The following LINGO2 variants were observed in gnomAD, a reference collection of about 807,000 sequenced individuals.
The protein encoded by LINGO2 is leucine rich repeat and Ig domain containing 2, also known as leucine-rich repeat and immunoglobulin-like domain-containing nogo receptor-interacting protein 2.
In LINGO2, 14 loss-of-function variants were observed where a neutral mutation model predicts 30.6. The ratio of observed to expected loss-of-function variants is 0.46; its 90% CI spans 0.30 to 0.72. LINGO2 has a LOEUF of 0.72. LINGO2 is among the 30% of genes least tolerant of loss of function. The pLI, the probability that LINGO2 is intolerant of heterozygous loss-of-function variation, is 0.07. For synonymous variants in LINGO2, 317 were observed against 288.5 expected, an observed-to-expected ratio of 1.10 and a Z score of -1.00; for missense variants, 729 against 751.7, an observed-to-expected ratio of 0.97 and a Z score of 0.35.
the LINGO2 span, among the ~76,000 whole-genome samples, chr9:28,802,924 T>C: frequency 6.6e-6 from 1 of 152,010 alleles, no homozygotes. Flanking sequence ...TGTCCTCATG[T>C]CCCGGGAGTC....
chr9:28,315,009 C>CA lies in LINGO2; in HGVS notation c.-245-19644dup, dbSNP rs10715487. ...TGGGTGACAGAGCAAGACTACGTCTCAAAAAAAAAAAAAAAAGAAACAAAA... is the reference window on the plus strand; with the variant it reads ...TGGGTGACAGAGCAAGACTACGTCTCAAAAAAAAAAAAAAAAAGAAACAAAA... On this transcript the variant is annotated intron_variant, in intron 3 of 5. Transcript: ENST00000379992. Among the ~76,000 whole-genome samples the CA allele has an allele frequency of 9.1e-3, 1,091 of 120,518 alleles. 15 individuals are homozygous for CA. The highest frequency in any genetic ancestry group is 0.016 in the African/African-American group (514 of 32,082). 79.1% of individuals were successfully genotyped at this position (120,518 alleles called of 152,430 possible).
the LINGO2 span, among the ~76,000 whole-genome samples, chr9:28,913,066 G>A: frequency 2.6e-5 from 4 of 152,122 alleles, no homozygotes; most frequent in African/African-American, 9.6e-5. Context: ...CCTCTGTACA[G>A]TTTACACTCA....
chr9:28,461,876 A>T (rs1395178295), intron 2 of LINGO2, among the ~76,000 whole-genome samples: 1 of 152,136 alleles, frequency 6.6e-6, no homozygotes, highest in Non-Finnish European at 1.5e-5. Flanking sequence ...TATTTATCTC[A>T]TTTAAATTTT....
Position 27,984,558 on chromosome 9 carries a change from A to G in LINGO2, c.-36+27797T>C, listed in dbSNP as rs117955647. ...TGGGCTCTGGATTGTGGTCTGAGGG[A>G]ATATAGAAAGAGCATTGCTCTTTTA... is the stretch of plus-strand genomic sequence containing the variant. On this transcript the variant is annotated intron_variant, in intron 5 of 5. Coordinates refer to ENST00000379992, the Ensembl canonical transcript of LINGO2. Among the ~76,000 whole-genome samples, 1,058 of 151,970 alleles carry G rather than the reference A, an allele frequency of 7.0e-3. 16 individuals carry two copies. The highest frequency in any genetic ancestry group is 0.041 in the Admixed American group (624 of 15,224).
At chr9:28,421,630 A>G (rs1046580562) in intron 2 of LINGO2, among the ~76,000 whole-genome samples, 1 of 152,126 alleles carries the variant, frequency 6.6e-6, no homozygotes, top group Non-Finnish European at 1.5e-5. Context: ...TCAGCCCTGG[A>G]GAACCCACAT....
the LINGO2 span, among the ~76,000 whole-genome samples, chr9:28,757,005 G>A: frequency 6.6e-6 from 1 of 151,886 alleles, no homozygotes; most frequent in Admixed American, 6.6e-5. Context: ...TAATTTACCA[G>A]TTTTAGTTAT....
intron 4 of LINGO2, among the ~76,000 whole-genome samples, chr9:28,134,853 T>C (rs1452954667): frequency 2.0e-5 from 3 of 152,202 alleles, no homozygotes; most frequent in Non-Finnish European, 4.4e-5. Flanking sequence ...GAACGTGGCA[T>C]GCAGGGCTGG....
chr9:29,080,897 T>C, the LINGO2 span, among the ~76,000 whole-genome samples: 25 of 152,106 alleles, frequency 1.6e-4, no homozygotes, highest in African/African-American at 6.0e-4. Flanking sequence ...ATAAGTGAGA[T>C]GTGGTTCTGA....
chr9:28,738,765 T>C, the LINGO2 span, among the ~76,000 whole-genome samples: 1 of 152,080 alleles, frequency 6.6e-6, no homozygotes, highest in Non-Finnish European at 1.5e-5. Context: ...TTTAATATGA[T>C]GTCCCACATC....
At chr9:28,486,681 A>G (rs189776721) in intron 1 of LINGO2, among the ~76,000 whole-genome samples, 1 of 150,294 alleles carries the variant, frequency 6.7e-6, no homozygotes, top group Non-Finnish European at 1.5e-5. Context: ...CTCTCGTTCT[A>G]TGAGGCCTCC....
the LINGO2 span, among the ~76,000 whole-genome samples, chr9:28,924,547 TAAACAGAC>T: frequency 5.3e-5 from 8 of 151,930 alleles, no homozygotes; most frequent in East Asian, 1.5e-3. Flanking sequence ...AAAAATCAAA[TAAACAGAC>T]AAACAAACAA....
chr9:29,033,613 T>C, the LINGO2 span, among the ~76,000 whole-genome samples: 2 of 151,778 alleles, frequency 1.3e-5, no homozygotes, highest in African/African-American at 4.8e-5. Context: ...AGTCTTCAAA[T>C]CCATTCCATG....
intron 4 of LINGO2, among the ~76,000 whole-genome samples, chr9:28,231,389 C>T (rs997626938): frequency 6.6e-6 from 1 of 151,708 alleles, no homozygotes; most frequent in Non-Finnish European, 1.5e-5. Context: ...TTTTTTGGAG[C>T]AGTGTGGGAA....
the LINGO2 span, among the ~76,000 whole-genome samples, chr9:28,927,166 A>G: frequency 2.6e-5 from 4 of 152,250 alleles, no homozygotes; most frequent in Non-Finnish European, 4.4e-5. Context: ...CCTGGTAAAT[A>G]GTGCCCCAAA....
chr9:28,419,062 C>G (rs1823083756), intron 2 of LINGO2, among the ~76,000 whole-genome samples: 1 of 151,970 alleles, frequency 6.6e-6, no homozygotes. Flanking sequence ...ATAATTAAAG[C>G]ATATTATTAT....
intron 4 of LINGO2, among the ~76,000 whole-genome samples, chr9:28,203,818 T>C (rs887393370): frequency 6.6e-6 from 1 of 152,204 alleles, no homozygotes; most frequent in African/African-American, 2.4e-5. Flanking sequence ...GGTGGAATAC[T>C]ATTTCATAGA....
chr9:28,537,618 T>A (rs1042623327), intron 1 of LINGO2, among the ~76,000 whole-genome samples: 1 of 151,912 alleles, frequency 6.6e-6, no homozygotes, highest in Admixed American at 6.6e-5. Context: ...TGAAGAAGAA[T>A]TTAGTAAACT....
At chr9:28,916,930 C>A in the LINGO2 span, among the ~76,000 whole-genome samples, 1 of 152,182 alleles carries the variant, frequency 6.6e-6, no homozygotes, top group Admixed American at 6.5e-5. Flanking sequence ...AACACATCCA[C>A]CAATACTGGG....
chr9:28,136,721 G>A (rs1827527888), intron 4 of LINGO2, among the ~76,000 whole-genome samples: 1 of 152,128 alleles, frequency 6.6e-6, no homozygotes, highest in South Asian at 2.1e-4. Flanking sequence ...ATAATGTAGT[G>A]TGGTAAATTT....
Sources: gnomAD v4.1 joint callset for allele counts (sites outside exome capture counted in the v4.1 genomes callset) on GRCh38, gnomAD v4.1.1 for gene constraint, MANE v1.5 for transcripts, NCBI Gene and HGNC (gene_info 2026-07-23, HGNC 2026-07-21) for gene names.